The following FER variants were observed in gnomAD, a reference collection of about 807,000 sequenced individuals.
The protein encoded by FER is tyrosine-protein kinase Fer.
In FER, 63 loss-of-function variants were observed where a neutral mutation model predicts 111.0. That is an observed-to-expected ratio of 0.57 (90% CI 0.46 to 0.70). The LOEUF (loss-of-function observed/expected upper bound fraction) is 0.70. Ranked by LOEUF, FER falls within the 30% of genes least tolerant of loss-of-function variation. The pLI is 0.00. For synonymous variants in FER, 327 were observed against 313.9 expected (o/e 1.04, Z -0.44); for missense variants, 914 against 954.0 (o/e 0.96, Z 0.55).
In FER at chr5:108,832,923, A is replaced by G; in HGVS notation, c.361A>G (p.Ile121Val). The G allele has an allele frequency of 1.3e-6, 2 of 1,589,412 alleles. No individual in the cohort carries two copies. The highest frequency in any genetic ancestry group is 1.7e-6 in the Non-Finnish European group (2 of 1,169,902). Reference protein sequence around the residue: ...KKSYIGVHQQIEAEMIKVTKT... With the variant: ...KKSYIGVHQQVEAEMIKVTKT... The stretch of plus-strand genomic sequence containing the variant: ...AAGTTACATAGGTGTTCATCAGCAG[A>G]TAGAGGCAGAGATGATCAAGGTTCG... Residue 121 changes from isoleucine to valine, a missense_variant, in exon 4 of 20, where the codon ATA becomes GTA. By Grantham distance (29) the Ile-to-Val change is conservative. Around this residue, in one of 3 missense-constraint regions of FER, gnomAD observed 774 missense variants for 782.6 expected, o/e 0.99. Coordinates refer to ENST00000281092, the MANE Select transcript of FER (RefSeq NM_005246.4).
At chr5:108,960,334 C>T (rs531173616) in intron 13 of FER, among the ~76,000 whole-genome samples, 5 of 152,018 alleles carry the variant, frequency 3.3e-5, no homozygotes, top group African/African-American at 1.2e-4. Flanking sequence ...AGAGGGTGAC[C>T]TTTAATATTT....
At chr5:109,140,977 T>C (rs1753462351) in intron 17 of FER, among the ~76,000 whole-genome samples, 1 of 152,158 alleles carries the variant, frequency 6.6e-6, no homozygotes, top group Admixed American at 6.5e-5. Flanking sequence ...TAGCTCCTAT[T>C]CTTCCATATC....
At chr5:108,785,317 C>T (rs1460416955) in intron 2 of FER, 5 of 557,906 alleles carry the variant, frequency 9.0e-6, no homozygotes, top group Non-Finnish European at 1.4e-5. Context: ...TTATCAACAC[C>T]CTGTGCTTCA....
In FER at chr5:108,805,255, C is replaced by T. The variant is rs189589870; in HGVS notation, c.207+6866C>T. Among the ~76,000 whole-genome samples, 313 of 152,234 alleles carry T rather than the reference C, an allele frequency of 2.1e-3. 3 individuals are homozygous for T. Among genetic ancestry groups the T allele is most frequent in the African/African-American group, 7.0e-3 (291 of 41,538 alleles). On this transcript the variant is annotated intron_variant, in intron 3 of 19. Transcript: ENST00000281092. ...AAGCTCTCTTTTGCCTGCCGTCATC[C>T]ACATAAGACGTGATTTGCTCCTCCT...
intron 2 of FER, among the ~76,000 whole-genome samples, chr5:108,774,623 G>T (rs4479887): frequency 0.24 from 36,240 of 151,960 alleles, 4,589 homozygotes; most frequent in African/African-American, 0.32. Context: ...TTATCTCATT[G>T]TGCTTTTGAT....
At chr5:109,021,630 C>T (rs1003565268) in intron 13 of FER, among the ~76,000 whole-genome samples, 1 of 151,998 alleles carries the variant, frequency 6.6e-6, no homozygotes, top group Non-Finnish European at 1.5e-5. Context: ...TACTTTATAA[C>T]ATTACTGAAG....
At chr5:108,788,624 T>C (rs1393826201) in intron 2 of FER, among the ~76,000 whole-genome samples, 1 of 152,112 alleles carries the variant, frequency 6.6e-6, no homozygotes, top group East Asian at 1.9e-4. Context: ...GGTTGGTTTC[T>C]CCTCCTTTCA....
chr5:109,046,603 G>A (rs1772012090), intron 15 of FER, among the ~76,000 whole-genome samples: 1 of 151,996 alleles, frequency 6.6e-6, no homozygotes. Flanking sequence ...GTATGGTTGG[G>A]CCTCTGTCTC....
intron 13 of FER, among the ~76,000 whole-genome samples, chr5:108,992,315 T>G (rs1357604667): frequency 1.3e-5 from 2 of 152,232 alleles, no homozygotes; most frequent in Non-Finnish European, 2.9e-5. Context: ...TTCTCAATCT[T>G]TTCCCCACCT....
Position 109,187,764 on chromosome 5 carries a change from G to A in FER, c.*189G>A. The A allele has an allele frequency of 1.5e-6, 1 of 663,718 alleles. No homozygotes were observed. Among genetic ancestry groups the A allele is most frequent in the South Asian group, 2.0e-5 (1 of 50,056 alleles). 41.1% of individuals were successfully genotyped at this position (663,718 alleles called of 1,614,324 possible). ...CAAAGGCAAATTTGTTAAAGAAATA[G>A]GCAGTCCTACCAAGGGCTTTCTTAG... On this transcript the variant is annotated 3_prime_UTR_variant, in exon 20 of 20. Coordinates refer to ENST00000281092, the MANE Select transcript of FER (RefSeq NM_005246.4).
intron 13 of FER, among the ~76,000 whole-genome samples, chr5:109,029,425 CT>C (rs757282669): frequency 0.32 from 16,645 of 52,338 alleles, 1,999 homozygotes; most frequent in Non-Finnish European, 0.39. Flanking sequence ...ATTCATTGTT[CT>C]TTTTTTTTTT....
At chr5:109,058,737 T>C (rs536509988) in intron 16 of FER, among the ~76,000 whole-genome samples, 1 of 130,678 alleles carries the variant, frequency 7.7e-6, no homozygotes, top group Non-Finnish European at 1.6e-5. Flanking sequence ...TTTTTTTTTT[T>C]TTTTTTTTTT....
At chr5:108,896,512 A>G (rs1581102551) in intron 9 of FER, among the ~76,000 whole-genome samples, 1 of 152,092 alleles carries the variant, frequency 6.6e-6, no homozygotes, top group African/African-American at 2.4e-5. Flanking sequence ...TAGGTCTCTC[A>G]CAAATGTTCT....
chr5:108,949,075 A>G (rs1757383682), intron 11 of FER, among the ~76,000 whole-genome samples: 1 of 152,126 alleles, frequency 6.6e-6, no homozygotes, highest in African/African-American at 2.4e-5. Flanking sequence ...CTTCATATAG[A>G]ATAATATTGT....
chr5:108,787,048 G>GC (rs1754808533), intron 2 of FER, among the ~76,000 whole-genome samples: 1 of 152,000 alleles, frequency 6.6e-6, no homozygotes, highest in Non-Finnish European at 1.5e-5. Context: ...CTGGGAACAG[G>GC]CGGGAGCTTT....
chr5:109,146,251 C>A (rs13187736), intron 17 of FER, among the ~76,000 whole-genome samples: 19 of 43,132 alleles, frequency 4.4e-4, no homozygotes, highest in Non-Finnish European at 5.5e-4. Flanking sequence ...TATAATCTAT[C>A]TAATATATAT....
At chr5:108,836,721 ATTG>A (rs1462501776) in intron 5 of FER, among the ~76,000 whole-genome samples, 7 of 152,126 alleles carry the variant, frequency 4.6e-5, no homozygotes, top group Non-Finnish European at 7.4e-5. Context: ...CAATGAAAAT[ATTG>A]TTGTTATTCC....
At chr5:108,800,978 C>T (rs1259494957) in intron 3 of FER, among the ~76,000 whole-genome samples, 3 of 152,082 alleles carry the variant, frequency 2.0e-5, no homozygotes, top group Non-Finnish European at 4.4e-5. Flanking sequence ...ACCCGGGAGG[C>T]GGAGCTTGCA....
intron 8 of FER, among the ~76,000 whole-genome samples, chr5:108,879,630 T>C (rs1478954724): frequency 6.7e-6 from 1 of 149,172 alleles, no homozygotes; most frequent in Admixed American, 6.7e-5. Flanking sequence ...GGTTTTTTTT[T>C]ATTTTTAAGG....
Sources: allele counts gnomAD v4.1 joint callset (sites outside exome capture counted in the v4.1 genomes callset), GRCh38; gene constraint gnomAD v4.1.1; regional missense constraint gnomAD v4.1.1; transcripts MANE v1.5; gene names NCBI Gene and HGNC (gene_info 2026-07-23, HGNC 2026-07-21).